Variants in PDE4D observed in about 807,000 individuals in gnomAD.
PDE4D encodes the protein 3',5'-cyclic-AMP phosphodiesterase 4D.
PDE4D carries 24 observed loss-of-function variants against 87.4 expected under a neutral mutation model. The ratio of observed to expected loss-of-function variants is 0.27; its 90% CI spans 0.20 to 0.39. The LOEUF (loss-of-function observed/expected upper bound fraction) is 0.39. PDE4D is among the 10% of genes least tolerant of loss of function. The pLI is 1.00. For missense variants in PDE4D, 714 were observed against 1,041.0 expected, an observed-to-expected ratio of 0.69 and a Z score of 4.32; for synonymous variants, 384 against 383.2, an observed-to-expected ratio of 1.00 and a Z score of -0.02.
At chr5:60,158,250 C>G (rs1230091577) in intron 2 of PDE4D, among the ~76,000 whole-genome samples, 1 of 152,114 alleles carries the variant, frequency 6.6e-6, no homozygotes, top group Non-Finnish European at 1.5e-5. Flanking sequence ...CACACCTAGA[C>G]TATATTGTAT....
At chr5:59,811,995 A>G (rs910903734) in intron 1 of PDE4D, among the ~76,000 whole-genome samples, 1 of 152,212 alleles carries the variant, frequency 6.6e-6, no homozygotes, top group African/African-American at 2.4e-5. Context: ...TAGCGCGAGG[A>G]AAGTGACTGA....
At chr5:59,762,854 GAT>G (rs35979900) in intron 1 of PDE4D, among the ~76,000 whole-genome samples, 5,366 of 51,278 alleles carry the variant, frequency 0.1, 210 homozygotes, top group African/African-American at 0.14. Flanking sequence ...ACTGCTTAAG[GAT>G]ATATATATAT....
intron 1 of PDE4D, among the ~76,000 whole-genome samples, chr5:59,685,893 C>G (rs1041971052): frequency 3.3e-5 from 5 of 152,064 alleles, no homozygotes; most frequent in Admixed American, 3.3e-4. Context: ...AAAGTTCCAG[C>G]AGCAAGACTT....
intron 1 of PDE4D, among the ~76,000 whole-genome samples, chr5:59,395,380 T>A (rs1271808870): frequency 6.6e-6 from 1 of 152,178 alleles, no homozygotes; most frequent in East Asian, 1.9e-4. Flanking sequence ...AGCACGCAGC[T>A]GGAGATCTGA....
intron 5 of PDE4D, among the ~76,000 whole-genome samples, chr5:59,172,210 TA>T (rs1251871651): frequency 8.9e-6 from 1 of 111,972 alleles, no homozygotes; most frequent in African/African-American, 3.6e-5. Flanking sequence ...AATATGTATA[TA>T]ATATATAATA....
At chr5:59,308,232 G>A (rs536024304) in intron 1 of PDE4D, among the ~76,000 whole-genome samples, 1 of 151,092 alleles carries the variant, frequency 6.6e-6, no homozygotes, top group African/African-American at 2.4e-5. Flanking sequence ...GAAGGGGGAG[G>A]GATAGCATTA....
chr5:59,432,943 T>C lies in PDE4D; in HGVS notation c.456-216975A>G, dbSNP rs1180486675. Among the ~76,000 whole-genome samples the C allele has an allele frequency of 3.3e-5, 5 of 152,160 alleles. No individual in the cohort carries two copies. In the South Asian group the frequency reaches 1.0e-3, roughly 31 times the overall value. On this transcript the variant is annotated intron_variant, in intron 1 of 14. Coordinates refer to ENST00000340635, the MANE Select transcript of PDE4D (RefSeq NM_001104631.2). The stretch of plus-strand genomic sequence containing the variant: ...TTACTCTTCAGTATATTTTTCTTAA[T>C]GGGAATAATATTTCATAATTTGGGA...
intron 5 of PDE4D, among the ~76,000 whole-genome samples, chr5:59,056,124 T>C (rs1237440526): frequency 2.6e-5 from 4 of 152,180 alleles, no homozygotes; most frequent in Non-Finnish European, 4.4e-5. Context: ...GATCAGAGTT[T>C]GCAAGCTTGG....
chr5:59,123,397 C>T (rs2153447305), intron 5 of PDE4D, among the ~76,000 whole-genome samples: 1 of 152,274 alleles, frequency 6.6e-6, no homozygotes, highest in Middle Eastern at 3.4e-3. Flanking sequence ...ATTCAGTTGA[C>T]TAAAACACAA....
intron 1 of PDE4D, among the ~76,000 whole-genome samples, chr5:59,657,181 G>A (rs547519515): frequency 5.9e-5 from 9 of 152,208 alleles, no homozygotes; most frequent in East Asian, 1.9e-4. Context: ...AAGACTACTC[G>A]GAAGTGCTGT....
rs551314272 is a variant in PDE4D, at chr5:59,561,277, G to A, written c.455+331891C>T. Reference sequence around the variant, plus strand: ...GGGTTCTCAGATCCACAGTGGGGTCGTCCGTTATTGGAGTATTATTTTGCC... The same window carrying A: ...GGGTTCTCAGATCCACAGTGGGGTCATCCGTTATTGGAGTATTATTTTGCC... On this transcript the variant is annotated intron_variant, in intron 1 of 14. Transcript: ENST00000340635. Among the ~76,000 whole-genome samples the A allele has an allele frequency of 5.0e-4, 76 of 152,240 alleles. 1 individual carries two copies. The highest frequency in any genetic ancestry group is 1.4e-3 in the African/African-American group (59 of 41,548).
At chr5:59,752,509 G>T (rs1006407141) in intron 1 of PDE4D, among the ~76,000 whole-genome samples, 1 of 152,102 alleles carries the variant, frequency 6.6e-6, no homozygotes, top group African/African-American at 2.4e-5. Context: ...AGGTGCTAGG[G>T]ATACACCTGT....
At chr5:59,112,840 G>A (rs1458925287) in intron 5 of PDE4D, among the ~76,000 whole-genome samples, 1 of 128,874 alleles carries the variant, frequency 7.8e-6, no homozygotes, top group Non-Finnish European at 1.6e-5. Context: ...CGCTCTTGTT[G>A]CCCAGGCTGG....
intron 1 of PDE4D, among the ~76,000 whole-genome samples, chr5:59,739,177 T>C (rs1048779542): frequency 6.6e-6 from 1 of 152,154 alleles, no homozygotes; most frequent in East Asian, 1.9e-4. Flanking sequence ...CCCAGCACTT[T>C]GGGAGGCCAA....
chr5:60,474,570 CT>C (rs1159515751), intron 1 of PDE4D, among the ~76,000 whole-genome samples: 1 of 152,124 alleles, frequency 6.6e-6, no homozygotes, highest in Non-Finnish European at 1.5e-5. Flanking sequence ...TGGTTTTCAT[CT>C]TTATAACCCT....
intron 1 of PDE4D, among the ~76,000 whole-genome samples, chr5:60,340,513 A>T (rs1252349101): frequency 6.6e-6 from 1 of 152,070 alleles, no homozygotes; most frequent in Non-Finnish European, 1.5e-5. Flanking sequence ...ATCTCCAAGA[A>T]ATCATAATAG....
chr5:58,992,670 A>C (rs534023013), intron 7 of PDE4D, among the ~76,000 whole-genome samples: 9 of 152,278 alleles, frequency 5.9e-5, no homozygotes, highest in Admixed American at 5.2e-4. Context: ...TTCTATAGTA[A>C]AAGACCTAAG....
chr5:59,817,161 A>G (rs1769065580), intron 1 of PDE4D, among the ~76,000 whole-genome samples: 1 of 152,212 alleles, frequency 6.6e-6, no homozygotes, highest in Admixed American at 6.5e-5. Context: ...CAGCTGACGG[A>G]AACGTGAATG....
chr5:60,103,063 CAG>C (rs757897279), intron 2 of PDE4D, among the ~76,000 whole-genome samples: 8 of 151,910 alleles, frequency 5.3e-5, no homozygotes, highest in Non-Finnish European at 1.0e-4. Context: ...AGAAAATTCT[CAG>C]AGAAACTTTG....
Sources: allele counts gnomAD v4.1 joint callset (sites outside exome capture counted in the v4.1 genomes callset), GRCh38; gene constraint gnomAD v4.1.1; transcripts MANE v1.5; gene names NCBI Gene and HGNC (gene_info 2026-07-23, HGNC 2026-07-21).